The following SRP68 variants were observed in gnomAD, a reference collection of about 807,000 sequenced individuals.
SRP68 encodes the protein signal recognition particle subunit SRP68.
A neutral mutation model predicts 82.2 loss-of-function variants in SRP68; 15 were observed. The ratio of observed to expected loss-of-function variants is 0.18; its 90% CI spans 0.12 to 0.28. The LOEUF (loss-of-function observed/expected upper bound fraction) is 0.28, where lower values mean the gene tolerates loss of function less well. Among genes scored for constraint, SRP68 ranks in the 10% least tolerant of loss-of-function variants. The pLI is 1.00. For synonymous variants in SRP68, 261 were observed against 292.6 expected, an observed-to-expected ratio of 0.89 and a Z score of 1.10; for missense variants, 595 against 780.5, an observed-to-expected ratio of 0.76 and a Z score of 2.83.
chr17:76,053,661 T>C (rs540222516), intron 8 of SRP68: 1 of 985,394 alleles, frequency 1.0e-6, no homozygotes, highest in African/African-American at 1.7e-5. Flanking sequence ...AAAGTCGATT[T>C]GAAGGGCGGG....
chr17:76,054,480 A>AT lies in SRP68; in HGVS notation c.978+2922dup, dbSNP rs1056043135. On this transcript the variant is annotated intron_variant, in intron 8 of 15. Coordinates refer to ENST00000307877, the MANE Select transcript of SRP68 (RefSeq NM_014230.4). ...TATACATGAATATATATAAATATAC[A>AT]TTGTTTTTTAAGAAAAAGATAAATG... is the stretch of plus-strand genomic sequence containing the variant. 5.3e-5 allele frequency among the ~76,000 whole-genome samples: 8 copies of AT among 151,486 alleles called. No individual in the cohort carries two copies. The South Asian group carries it at 6.2e-4, about 12-fold the overall frequency.
chr17:76,061,825 T>A (rs971704836), intron 4 of SRP68, among the ~76,000 whole-genome samples: 1 of 151,144 alleles, frequency 6.6e-6, no homozygotes, highest in Non-Finnish European at 1.5e-5. Flanking sequence ...GAATAAATTT[T>A]AAAAAAAGAA....
chr17:76,062,158 G>T (rs1464270956), intron 4 of SRP68, among the ~76,000 whole-genome samples: 5 of 151,642 alleles, frequency 3.3e-5, no homozygotes, highest in Non-Finnish European at 7.4e-5. Context: ...ATGGCGGCAG[G>T]CGCCTGTAAT....
In SRP68 at chr17:76,072,431, C is replaced by CACCGCCGCCGCCACT. The variant is rs773907321; in HGVS notation, c.46_60dup (p.Ser16_Gly20dup). 1.3e-5 allele frequency: 20 copies of CACCGCCGCCGCCACT among 1,569,336 alleles called. No individual in the cohort carries two copies. In the East Asian group the frequency reaches 3.8e-4, roughly 30 times the overall value. On this transcript the variant is annotated inframe_insertion, in exon 1 of 16. Coordinates refer to ENST00000307877, the MANE Select transcript of SRP68 (RefSeq NM_014230.4). The surrounding 1 kb of genome is among the most constrained non-coding windows in gnomAD (Gnocchi z 4.5). ...CCGCCGCTACCGCCGCCGCCACTGC[C>CACCGCCGCCGCCACT]ACCGCCGCCGCCACTGCCGCCGCCG...
chr17:76,047,772 G>A, intron 10 of SRP68, 134 bp downstream of exon 10: 1 of 325,606 alleles, frequency 3.1e-6, no homozygotes, highest in Non-Finnish European at 5.1e-6. Flanking sequence ...CTGAGTGACA[G>A]AGCTAGATCC....
intron 7 of SRP68, among the ~76,000 whole-genome samples, chr17:76,058,948 G>A (rs1444215110): frequency 2.0e-5 from 3 of 152,202 alleles, no homozygotes; most frequent in Non-Finnish European, 4.4e-5. Context: ...GATGGTGTAT[G>A]GCTGGATAAG....
At chr17:76,045,186 C>CA (rs1202157178) in intron 12 of SRP68, 106 bp downstream of exon 12, 1 of 817,226 alleles carries the variant, frequency 1.2e-6, no homozygotes, top group African/African-American at 1.7e-5. Flanking sequence ...GCAAGGTAAC[C>CA]ATACACTCAA....
At chr17:76,055,440 C>G (rs969595448) in intron 8 of SRP68, among the ~76,000 whole-genome samples, 26 of 152,046 alleles carry the variant, frequency 1.7e-4, no homozygotes, top group African/African-American at 6.3e-4. Flanking sequence ...TCCCTCCCAC[C>G]CTTTCCAGGC....
At chr17:76,053,579 TC>T (rs2066691468) in intron 8 of SRP68, 1 of 985,124 alleles carries the variant, frequency 1.0e-6, no homozygotes, top group South Asian at 4.7e-5. Flanking sequence ...CCAAAAAACC[TC>T]CCCACTGCTC....
intron 8 of SRP68, among the ~76,000 whole-genome samples, chr17:76,053,245 G>A (rs192181636): frequency 3.7e-5 from 5 of 136,884 alleles, no homozygotes; most frequent in Non-Finnish European, 6.1e-5. Flanking sequence ...TGGCCTGGGT[G>A]ACAGGGTGAG....
rs2066858225 is a variant in SRP68, at chr17:76,072,184, C to A, written c.184+124G>T. The A allele has an allele frequency of 6.5e-7, 1 of 1,539,932 alleles. No homozygotes were observed. The highest frequency in any genetic ancestry group is 2.4e-5 in the East Asian group (1 of 41,790). ...AATTCTGAGCACCAAAAGGTAAGGG[C>A]GAGAGAAACTGCAACCCTCGGCCTC... On this transcript the variant is annotated intron_variant, in intron 1 of 15. Coordinates refer to ENST00000307877, the MANE Select transcript of SRP68 (RefSeq NM_014230.4). This position sits in a 1 kb window ranked among gnomAD's most constrained non-coding sequence, Gnocchi z 4.5.
chr17:76,040,971 G>A lies in SRP68; in HGVS notation c.1532C>T (p.Pro511Leu). ...TTGAGTGATGAGCTCTTGCACATCA[G>A]GCAGGTCCTGTAAGATTCAGAAAAC... ...GAFKNSLKDL[P>L]DVQELITQVR... is the part of the protein sequence containing the mutation. The change falls in exon 14 of 16, where the codon CCT becomes CTT. Residue 511 changes from proline (P) to leucine (L), a missense_variant. Pro to Leu is a moderately conservative substitution (Grantham distance 98). This residue lies in a region of SRP68 where 495 missense variants were observed against 688.6 expected (regional missense o/e 0.72). Coordinates refer to ENST00000307877, the MANE Select transcript of SRP68 (RefSeq NM_014230.4). 6.2e-7 allele frequency: 1 copy of A among 1,613,758 alleles called. No homozygotes were observed.
In SRP68 at chr17:76,072,446, TGCCGCC is replaced by T. The variant is rs536477130; in HGVS notation, c.40_45del (p.Gly14_Gly15del). 19 of 1,579,268 alleles carry T rather than the reference TGCCGCC, an allele frequency of 1.2e-5. No individual in the cohort carries two copies. Among genetic ancestry groups the T allele is most frequent in the African/African-American group, 2.7e-5 (2 of 73,502 alleles). ...CCGCCACTGCCACCGCCGCCGCCAC[TGCCGCC>T]GCCGCCGCCGCCGCCTGGGACCTGC... On this transcript the variant is annotated inframe_deletion, in exon 1 of 16. Transcript: ENST00000307877. The surrounding 1 kb of genome is among the most constrained non-coding windows in gnomAD (Gnocchi z 4.5).
At chr17:76,067,439 A>G (rs759449056) in intron 2 of SRP68, 109 bp from the exon 3 acceptor site, 26 of 767,592 alleles carry the variant, frequency 3.4e-5, no homozygotes, top group Non-Finnish European at 5.8e-5. Context: ...TATTATACTT[A>G]TGGTTACTAG....
intron 2 of SRP68, among the ~76,000 whole-genome samples, chr17:76,067,720 C>G (rs780334707): frequency 6.6e-6 from 1 of 152,170 alleles, no homozygotes; most frequent in Non-Finnish European, 1.5e-5. Context: ...CCCACCCCAG[C>G]CTTCCAAAGT....
rs546743477 is a variant in SRP68, at chr17:76,042,720, GA to G, written c.1524+1108del. Among the ~76,000 whole-genome samples, 339 of 152,122 alleles carry G rather than the reference GA, an allele frequency of 2.2e-3. 1 individual carries two copies. Among genetic ancestry groups the G allele is most frequent in the Admixed American group, 3.7e-3 (56 of 15,264 alleles). On this transcript the variant is annotated intron_variant, in intron 13 of 15. Coordinates refer to ENST00000307877, the MANE Select transcript of SRP68 (RefSeq NM_014230.4). ...CTGCCTCAGCTTCTCAAGTAGCTGGGATTACAGGTGTGCACCACCACACCTG... is the reference window on the plus strand; with the variant it reads ...CTGCCTCAGCTTCTCAAGTAGCTGGGTTACAGGTGTGCACCACCACACCTG...
intron 4 of SRP68, among the ~76,000 whole-genome samples, chr17:76,062,288 GAA>G (rs61471954): frequency 4.4e-4 from 52 of 117,238 alleles, no homozygotes; most frequent in East Asian, 1.2e-3. Flanking sequence ...CTCTGTCTCA[GAA>G]AAAAAAAAAA....
intron 2 of SRP68, 71 bp downstream of exon 2, chr17:76,070,307 G>A (rs1414784183): frequency 1.6e-6 from 2 of 1,220,290 alleles, no homozygotes; most frequent in Non-Finnish European, 1.2e-6. Flanking sequence ...ATATAGCAGA[G>A]TAAACAGGAT....
chr17:76,053,570 C>CA (rs1437936385), intron 8 of SRP68: 9 of 985,208 alleles, frequency 9.1e-6, no homozygotes, highest in Non-Finnish European at 1.1e-5. Flanking sequence ...GTGCTGAAAC[C>CA]AAAAAACCTC....
Sources: gnomAD v4.1 joint callset for allele counts (sites outside exome capture counted in the v4.1 genomes callset) on GRCh38, gnomAD v4.1.1 for gene constraint, gnomAD v4.1.1 regional missense constraint, Gnocchi (gnomAD v3.1) non-coding constraint, MANE v1.5 for transcripts, NCBI Gene and HGNC (gene_info 2026-07-23, HGNC 2026-07-21) for gene names.